The following KIN variants were observed in gnomAD, a reference collection of about 807,000 sequenced individuals.
KIN encodes Kin17 DNA and RNA binding protein.
Under a neutral mutation model 63.0 loss-of-function variants are expected in KIN, and 47 were observed. The ratio of observed to expected loss-of-function variants is 0.75; its 90% CI spans 0.59 to 0.95. The LOEUF is 0.95. Among genes scored for constraint, KIN ranks in the 40% least tolerant of loss-of-function variants. KIN has a pLI of 0.00. For synonymous variants in KIN, 160 were observed against 157.7 expected (o/e 1.01, Z -0.11); for missense variants, 408 against 460.9 (o/e 0.89, Z 1.05).
intron 11 of KIN, 64 bp downstream of exon 11, chr10:7,762,393 G>T: frequency 1.1e-6 from 1 of 873,426 alleles, no homozygotes; most frequent in Non-Finnish European, 1.9e-6. Flanking sequence ...AAAATACAGT[G>T]GTTTGAAAAT....
At chr10:7,780,417 A>G in intron 2 of KIN, 110 bp from the exon 3 acceptor site, 2 of 880,248 alleles carry the variant, frequency 2.3e-6, no homozygotes, top group Non-Finnish European at 3.4e-6. Flanking sequence ...TTTTTGAGAC[A>G]GAGTCTCGTT....
At chr10:7,770,925 G>A (rs1191251035) in intron 7 of KIN, among the ~76,000 whole-genome samples, 2 of 152,160 alleles carry the variant, frequency 1.3e-5, no homozygotes, top group African/African-American at 2.4e-5. Flanking sequence ...ATGGAGAATT[G>A]TAGGTAAGGA....
chr10:7,754,501 C>T lies in KIN; in HGVS notation c.*1579G>A, dbSNP rs571775840. The T allele has an allele frequency of 1.5e-4, 23 of 153,894 alleles. No homozygotes were observed. The highest frequency in any genetic ancestry group is 1.1e-3 in the South Asian group (6 of 5,396). The allele number at this position is 153,894 out of a possible 1,614,324, so 9.5% of individuals were successfully genotyped here. ...TACAAAAATTAGCTGGGCGTGGTGG[C>T]GCATGCCTGTAGTCCCAGCTACTCA... On this transcript the variant is annotated 3_prime_UTR_variant, in exon 13 of 13. Coordinates refer to ENST00000379562, the MANE Select transcript of KIN (RefSeq NM_012311.4).
At chr10:7,763,304 T>C (rs1835473579) in intron 10 of KIN, among the ~76,000 whole-genome samples, 1 of 151,908 alleles carries the variant, frequency 6.6e-6, no homozygotes, top group South Asian at 2.1e-4. Context: ...CAAAAGACAG[T>C]TTCTCAAGCA....
rs767440857 is a variant in KIN, at chr10:7,756,055, A to G, written c.*25T>C. 6 of 1,402,098 alleles carry G rather than the reference A, an allele frequency of 4.3e-6. No homozygotes were observed. The African/African-American group carries it at 8.6e-5, about 20-fold the overall frequency. 86.9% of individuals were successfully genotyped at this position (1,402,098 alleles called of 1,614,324 possible). On this transcript the variant is annotated 3_prime_UTR_variant, in exon 13 of 13. Coordinates refer to ENST00000379562, the MANE Select transcript of KIN (RefSeq NM_012311.4). ...ACCAATTTGATGCTTTAAGATTTTA[A>G]TGTATTGTTAACAAATTTTCAAACT...
rs1251093081 is a variant in KIN, at chr10:7,755,981, C to T, written c.*99G>A. ...TTTTCAAAAACCTGTTTGTTTTATA[C>T]AAAAGAATATACCCTAACACAGTAG... On this transcript the variant is annotated 3_prime_UTR_variant, in exon 13 of 13. Coordinates refer to ENST00000379562, the MANE Select transcript of KIN (RefSeq NM_012311.4). 9 of 630,792 alleles carry T rather than the reference C, an allele frequency of 1.4e-5. No individual in the cohort carries two copies. The highest frequency in any genetic ancestry group is 2.4e-5 in the Non-Finnish European group (9 of 368,994). The allele number at this position is 630,792 out of a possible 1,614,324, so 39.1% of individuals were successfully genotyped here.
intron 2 of KIN, among the ~76,000 whole-genome samples, chr10:7,782,400 C>CG (rs1564325519): frequency 1.5e-5 from 2 of 136,894 alleles, no homozygotes; most frequent in African/African-American, 5.1e-5. Context: ...TTTTTAGTGC[C>CG]ATTTTTTTTT....
chr10:7,778,816 C>A, intron 5 of KIN, 22 bp downstream of exon 5: 1 of 1,609,488 alleles, frequency 6.2e-7, no homozygotes, highest in Non-Finnish European at 8.5e-7. Context: ...CGTTGCTTCT[C>A]AGGATGATGT....
At chr10:7,783,030 A>G in intron 2 of KIN, 51 bp downstream of exon 2, 1 of 883,894 alleles carries the variant, frequency 1.1e-6, no homozygotes, top group Non-Finnish European at 1.8e-6. Context: ...CATCTATTAA[A>G]TGTTCAACTG....
At chr10:7,780,329 G>T in intron 2 of KIN, 22 bp from the exon 3 acceptor site, 1 of 1,570,748 alleles carries the variant, frequency 6.4e-7, no homozygotes, top group East Asian at 2.2e-5. Flanking sequence ...AGAAAGGAAA[G>T]CATTAAGGTA....
chr10:7,752,315 T>A lies in KIN; in HGVS notation c.*3765A>T, dbSNP rs988297182. 6.6e-6 allele frequency: 1 copy of A among 152,186 alleles called. No homozygotes were observed. The highest frequency in any genetic ancestry group is 6.5e-5 in the Admixed American group (1 of 15,288). The allele number at this position is 152,186 out of a possible 1,614,324, so 9.4% of individuals were successfully genotyped here. ...GATATACAGGTGGCAAATAAGCCCA[T>A]GAAAAGATGCTCCACATCATACTTC... On this transcript the variant is annotated 3_prime_UTR_variant, in exon 13 of 13. Transcript: ENST00000379562.
At chr10:7,775,953 G>T (rs1835761272) in intron 5 of KIN, among the ~76,000 whole-genome samples, 154 bp from the exon 6 acceptor site, 1 of 152,140 alleles carries the variant, frequency 6.6e-6, no homozygotes. Flanking sequence ...TTTCGGCCAG[G>T]CGCGGTGGCT....
In KIN at chr10:7,780,068, G is replaced by T. The variant is rs747939384; in HGVS notation, c.364C>A (p.Leu122Met). ...WETLTDFTKWLGREGLCKVDE... is the reference protein window; with the variant it reads ...WETLTDFTKWMGREGLCKVDE... ...ATCTCATTCTTACCTTCTCTGCCCA[G>T]CCACTTAGTAAAATCAGTCAGAGTT... Residue 122 changes from leucine to methionine, a missense_variant, in exon 4 of 13, where the codon CTG becomes ATG. Leu to Met is a conservative substitution (Grantham distance 15). Coordinates refer to ENST00000379562, the MANE Select transcript of KIN (RefSeq NM_012311.4). The T allele has an allele frequency of 4.3e-5, 69 of 1,612,082 alleles. No homozygotes were observed. In the South Asian group the frequency reaches 7.5e-4, roughly 17 times the overall value.
rs199577905 is a variant in KIN, at chr10:7,759,942, G to A, written c.1067C>T (p.Thr356Ile). 195 of 1,571,612 alleles carry A rather than the reference G, an allele frequency of 1.2e-4. 1 individual carries two copies. In the East Asian group the frequency reaches 3.5e-3, roughly 28 times the overall value. Reference protein sequence around the residue: ...LNGGYRGNEGTLESINEKTFS... With the variant: ...LNGGYRGNEGILESINEKTFS... ...AGTCTTCTCATTGATGGATTCTAGG[G>A]TACCTTCATTTCCTCTGTAGCCTCC... Residue 356 changes from threonine (T) to isoleucine (I), a missense_variant, in exon 12 of 13, where the codon ACC becomes ATC. Physicochemically the swap from Thr to Ile is moderately conservative, Grantham distance 89 (BLOSUM62 -1). This residue lies in a region of KIN where 298 missense variants were observed against 296.0 expected (regional missense o/e 1.01). Transcript: ENST00000379562.
chr10:7,787,725 G>A (rs1564328014), intron 1 of KIN, 95 bp downstream of exon 1: 5 of 926,998 alleles, frequency 5.4e-6, no homozygotes, highest in Non-Finnish European at 1.8e-6. Context: ...GACCCCGGGA[G>A]CCCCAGCCCC....
intron 7 of KIN, 24 bp from the exon 8 acceptor site, chr10:7,769,369 T>C (rs1459661737): frequency 2.5e-6 from 4 of 1,604,226 alleles, no homozygotes; most frequent in Non-Finnish European, 2.5e-6. Flanking sequence ...GAACCATGCT[T>C]GTTACCAAGA....
In KIN at chr10:7,754,115, A is replaced by G. The variant is rs760299646; in HGVS notation, c.*1965T>C. 1 of 455,960 alleles carries G rather than the reference A, an allele frequency of 2.2e-6. No homozygotes were observed. Among genetic ancestry groups the G allele is most frequent in the South Asian group, 1.6e-5 (1 of 64,514 alleles). 28.2% of individuals were successfully genotyped at this position (455,960 alleles called of 1,614,324 possible). On this transcript the variant is annotated 3_prime_UTR_variant, in exon 13 of 13. Transcript: ENST00000379562. ...AAGGCCGAGGCAGGAGGATTGCTTGAGCTCAAGAGTTTGAGACCAGCCTGG... is the reference window on the plus strand; with the variant it reads ...AAGGCCGAGGCAGGAGGATTGCTTGGGCTCAAGAGTTTGAGACCAGCCTGG...
chr10:7,762,347 G>A (rs7907885), intron 11 of KIN, 110 bp downstream of exon 11: 17,162 of 571,412 alleles, frequency 0.03, 412 homozygotes, highest in South Asian at 0.057. Context: ...AGTTAATGCC[G>A]CCAAGACAGA....
At chr10:7,780,396 TG>T (rs1434502278) in intron 2 of KIN, 89 bp from the exon 3 acceptor site, 19 of 1,166,734 alleles carry the variant, frequency 1.6e-5, no homozygotes, top group Non-Finnish European at 1.2e-6. Context: ...TACAGTTTTT[TG>T]TTTTTGTTTT....
Sources: allele counts gnomAD v4.1 joint callset (sites outside exome capture counted in the v4.1 genomes callset), GRCh38; gene constraint gnomAD v4.1.1; regional missense constraint gnomAD v4.1.1; transcripts MANE v1.5; gene names NCBI Gene and HGNC (gene_info 2026-07-23, HGNC 2026-07-21).